Variants in PCSK6 observed in about 807,000 individuals in gnomAD.
The protein encoded by PCSK6 is proprotein convertase subtilisin/kexin type 6.
PCSK6 carries 85 observed loss-of-function variants against 123.3 expected under a neutral mutation model. The observed-to-expected ratio is 0.69, with a 90% confidence interval of 0.58 to 0.83. The LOEUF is 0.83. PCSK6 is among the 40% of genes least tolerant of loss of function. The pLI, the probability that PCSK6 is intolerant of heterozygous loss-of-function variation, is 0.00. For missense variants in PCSK6, 1,191 were observed against 1,282.3 expected, an observed-to-expected ratio of 0.93 and a Z score of 1.09; for synonymous variants, 508 against 516.0, an observed-to-expected ratio of 0.98 and a Z score of 0.21.
chr15:101,383,204 C>T (rs1262335671), intron 10 of PCSK6, among the ~76,000 whole-genome samples: 2 of 151,868 alleles, frequency 1.3e-5, no homozygotes, highest in East Asian at 1.9e-4. Context: ...GTCAGGAGTT[C>T]GAGACCAGCC....
At chr15:101,444,384 G>A (rs151229161) in intron 1 of PCSK6, among the ~76,000 whole-genome samples, 263 of 152,218 alleles carry the variant, frequency 1.7e-3, no homozygotes, top group Middle Eastern at 3.4e-3. Flanking sequence ...TGTTATCGGA[G>A]GCCTGCTTCT....
intron 6 of PCSK6, among the ~76,000 whole-genome samples, chr15:101,402,240 C>A (rs1193111550): frequency 6.9e-6 from 1 of 145,320 alleles, no homozygotes; most frequent in Non-Finnish European, 1.5e-5. Context: ...AAACTGGATC[C>A]CTTCCTTAGA....
rs992616213 is a variant in PCSK6 at position 101,305,877 on chromosome 15, G to A, written c.2813-522C>T. 1.1e-4 allele frequency: 17 copies of A among 155,054 alleles called. No individual in the cohort carries two copies. Among genetic ancestry groups the A allele is most frequent in the South Asian group, 2.0e-4 (1 of 5,074 alleles). 9.6% of individuals were successfully genotyped at this position (155,054 alleles called of 1,614,324 possible). On this transcript the variant is annotated intron_variant, in intron 21 of 21. Transcript: ENST00000611716. The surrounding 1 kb of genome is among the most constrained non-coding windows in gnomAD (Gnocchi z 4.8). ...CTTGACTCTGGGAGCCCTGTGTGGC[G>A]GGAGGGCACTGGTATATGGGGCTCT...
intron 6 of PCSK6, among the ~76,000 whole-genome samples, chr15:101,423,505 A>G (rs1005084543): frequency 3.3e-5 from 5 of 151,962 alleles, no homozygotes; most frequent in Admixed American, 1.3e-4. Context: ...CAGGTGATCC[A>G]CTCACCTCAG....
chr15:101,470,073 A>G lies in PCSK6; in HGVS notation c.297+19301T>C, dbSNP rs185658279. 4.6e-5 allele frequency among the ~76,000 whole-genome samples: 7 copies of G among 152,254 alleles called. No individual in the cohort carries two copies. In the East Asian group the frequency reaches 1.2e-3, roughly 25 times the overall value. On this transcript the variant is annotated intron_variant, in intron 1 of 21. Transcript: ENST00000611716. ...CTTCTAACTGCCATTTTTTTTGAAG[A>G]AAGAGCTGAACCATTCCAACTCAGG...
At chr15:101,449,500 A>G (rs1474824598) in intron 1 of PCSK6, among the ~76,000 whole-genome samples, 1 of 152,242 alleles carries the variant, frequency 6.6e-6, no homozygotes, top group Non-Finnish European at 1.5e-5. Context: ...ACTCTGAAAC[A>G]TACCAGGTAG....
chr15:101,403,527 A>T (rs2042673225), intron 6 of PCSK6, among the ~76,000 whole-genome samples: 1 of 152,078 alleles, frequency 6.6e-6, no homozygotes, highest in Non-Finnish European at 1.5e-5. Flanking sequence ...AGCACAAAAG[A>T]TTGTATGTCA....
chr15:101,479,191 C>G (rs1327809587), intron 1 of PCSK6, among the ~76,000 whole-genome samples: 1 of 152,168 alleles, frequency 6.6e-6, no homozygotes, highest in Non-Finnish European at 1.5e-5. Context: ...GGTCAGGAAG[C>G]AGCACTTTGG....
intron 15 of PCSK6, among the ~76,000 whole-genome samples, chr15:101,330,807 G>C (rs1233048582): frequency 1.3e-5 from 2 of 152,186 alleles, no homozygotes; most frequent in Non-Finnish European, 2.9e-5. Context: ...ATCACAGGGG[G>C]AAACAGAGCA....
chr15:101,425,157 C>T (rs1017743009), intron 6 of PCSK6, among the ~76,000 whole-genome samples: 6 of 152,218 alleles, frequency 3.9e-5, no homozygotes, highest in Middle Eastern at 6.8e-3. Flanking sequence ...ATTACGTCTG[C>T]GGCGTGGGGC....
intron 6 of PCSK6, among the ~76,000 whole-genome samples, chr15:101,424,440 C>A (rs1352853980): frequency 6.6e-6 from 1 of 152,092 alleles, no homozygotes; most frequent in Non-Finnish European, 1.5e-5. Context: ...TGAAGAGAAG[C>A]CACTTTCAGA....
intron 1 of PCSK6, among the ~76,000 whole-genome samples, chr15:101,470,564 T>C (rs145066332): frequency 6.2e-4 from 95 of 152,362 alleles, no homozygotes; most frequent in African/African-American, 2.1e-3. Context: ...TTATGTGTTA[T>C]GTGTTCCAAG....
chr15:101,463,806 T>C (rs1257646598), intron 1 of PCSK6, among the ~76,000 whole-genome samples: 6 of 152,114 alleles, frequency 3.9e-5, no homozygotes, highest in Non-Finnish European at 7.4e-5. Flanking sequence ...GCAATAACAG[T>C]GCCTACCAAA....
chr15:101,482,450 G>A (rs2057912215), intron 1 of PCSK6, among the ~76,000 whole-genome samples: 1 of 152,236 alleles, frequency 6.6e-6, no homozygotes, highest in South Asian at 2.1e-4. Context: ...GGTGAAAGGA[G>A]GAGGAGAGGT....
At chr15:101,429,007 C>G (rs993442583) in intron 5 of PCSK6, among the ~76,000 whole-genome samples, 1 of 152,226 alleles carries the variant, frequency 6.6e-6, no homozygotes, top group African/African-American at 2.4e-5. Flanking sequence ...AGCTCTGCAG[C>G]CTGCTGTGTG....
intron 13 of PCSK6, among the ~76,000 whole-genome samples, chr15:101,345,558 C>T (rs545982052): frequency 3.9e-5 from 6 of 152,170 alleles, no homozygotes; most frequent in East Asian, 1.9e-4. Flanking sequence ...ATATGAATTA[C>T]GACACACACA....
At chr15:101,316,874 G>A (rs1295429321) in intron 19 of PCSK6, among the ~76,000 whole-genome samples, 1 of 147,300 alleles carries the variant, frequency 6.8e-6, no homozygotes, top group African/African-American at 2.6e-5. Context: ...AGGCACAGTA[G>A]TATCATGGAA....
intron 13 of PCSK6, 140 bp from the exon 14 acceptor site, chr15:101,332,171 C>T (rs1331711405): frequency 2.5e-5 from 18 of 716,262 alleles, no homozygotes; most frequent in Non-Finnish European, 2.2e-6. Flanking sequence ...TACCTGCTGG[C>T]CAGCTGTGCA....
Position 101,398,572 on chromosome 15 carries a change from G to GA in PCSK6, c.827dup (p.Arg277ProfsTer47). The GA allele has an allele frequency of 1.2e-6, 2 of 1,611,420 alleles. No individual in the cohort carries two copies. The highest frequency in any genetic ancestry group is 1.7e-6 in the Non-Finnish European group (2 of 1,178,736). The stretch of plus-strand genomic sequence containing the variant: ...CTGTGACATCGCCGTCCAGCATGCG[G>GA]ATGCCTGAAAGCACAGAGGAGGCTC... On this transcript the variant is annotated frameshift_variant, in exon 7 of 22. Transcript: ENST00000611716. LOFTEE classifies it high-confidence loss of function. This position sits in a 1 kb window ranked among gnomAD's most constrained non-coding sequence, Gnocchi z 4.6.
Sources: gnomAD v4.1 joint callset for allele counts (sites outside exome capture counted in the v4.1 genomes callset) on GRCh38, gnomAD v4.1.1 for gene constraint, Gnocchi (gnomAD v3.1) non-coding constraint, MANE v1.5 for transcripts, NCBI Gene and HGNC (gene_info 2026-07-23, HGNC 2026-07-21) for gene names.